Variants in MYCBP2 observed in about 807,000 individuals in gnomAD.
MYCBP2 encodes MYC binding protein 2.
A neutral mutation model predicts 525.3 loss-of-function variants in MYCBP2; 120 were observed. That is an observed-to-expected ratio of 0.23 (90% CI 0.20 to 0.27). The LOEUF (loss-of-function observed/expected upper bound fraction) is 0.27. Among genes scored for constraint, MYCBP2 ranks in the 10% least tolerant of loss-of-function variants. The pLI, the probability that MYCBP2 is intolerant of heterozygous loss-of-function variation, is 1.00. For missense variants in MYCBP2, 4,149 were observed against 5,657.1 expected, an observed-to-expected ratio of 0.73 and a Z score of 8.55; for synonymous variants, 1,894 against 1,955.8, an observed-to-expected ratio of 0.97 and a Z score of 0.83.
At chr13:77,206,363 TATC>T (rs1025232402) in intron 24 of MYCBP2, among the ~76,000 whole-genome samples, 1 of 150,816 alleles carries the variant, frequency 6.6e-6, no homozygotes, top group African/African-American at 2.4e-5. Flanking sequence ...TTGAAAATTT[TATC>T]ATATCTTTAA....
At chr13:77,166,186 T>A (rs2058498472) in intron 41 of MYCBP2, 143 bp downstream of exon 41, 1 of 629,364 alleles carries the variant, frequency 1.6e-6, no homozygotes, top group Non-Finnish European at 2.7e-6. Flanking sequence ...CCTTATTTAT[T>A]CCTCGAATGC....
intron 82 of MYCBP2, 85 bp from the exon 83 acceptor site, chr13:77,045,578 G>C: frequency 1.3e-6 from 1 of 796,332 alleles, no homozygotes; most frequent in South Asian, 1.8e-5. Context: ...ATCACTGATA[G>C]GTTATTCAAA....
intron 55 of MYCBP2, among the ~76,000 whole-genome samples, chr13:77,116,580 A>T (rs1401806755): frequency 6.6e-6 from 1 of 152,092 alleles, no homozygotes; most frequent in African/African-American, 2.4e-5. Flanking sequence ...GCGAATAAGA[A>T]GTTTAAAACA....
At chr13:77,155,402 G>A (rs1180793446) in intron 46 of MYCBP2, among the ~76,000 whole-genome samples, 1 of 152,048 alleles carries the variant, frequency 6.6e-6, no homozygotes, top group Admixed American at 6.5e-5. Context: ...GGAGGAAAGG[G>A]CTGGGGACTG....
intron 30 of MYCBP2, 77 bp from the exon 31 acceptor site, chr13:77,186,140 G>T (rs2060691866): frequency 9.5e-7 from 1 of 1,056,576 alleles, no homozygotes; most frequent in South Asian, 2.6e-5. Context: ...AAAGGCAATG[G>T]TAGACAACTT....
In MYCBP2 at chr13:77,270,447, T is replaced by G; in HGVS notation, c.1037A>C (p.Lys346Thr). The G allele has an allele frequency of 6.2e-7, 1 of 1,613,818 alleles. No individual in the cohort carries two copies. The highest frequency in any genetic ancestry group is 8.5e-7 in the Non-Finnish European group (1 of 1,179,832). ...CCACTTGTGCATTAAAGCTGCTTTC[T>G]TAATGCCATTACTAAACCAGTCCTG... ...QIQDWFSNGI[K>T]KAALMHKWPL... Residue 346 changes from lysine (K) to threonine (T), a missense_variant, in exon 6 of 83, where the codon AAG becomes ACG. Around this residue, in one of 21 missense-constraint regions of MYCBP2, gnomAD observed 413 missense variants for 451.2 expected, o/e 0.92. Coordinates refer to ENST00000544440, the MANE Select transcript of MYCBP2 (RefSeq NM_015057.5).
At chr13:77,089,882 G>C (rs1001338017) in intron 60 of MYCBP2, among the ~76,000 whole-genome samples, 1 of 151,888 alleles carries the variant, frequency 6.6e-6, no homozygotes, top group Non-Finnish European at 1.5e-5. Flanking sequence ...ATTTATTCTC[G>C]AACAATCACT....
intron 52 of MYCBP2, 137 bp from the exon 53 acceptor site, chr13:77,126,679 G>A (rs774241138): frequency 7.4e-5 from 45 of 607,070 alleles, no homozygotes; most frequent in Middle Eastern, 4.5e-4. Flanking sequence ...GATAACTGAA[G>A]AATTAGTCAT....
chr13:77,114,827 T>A (rs2049439385), intron 55 of MYCBP2, among the ~76,000 whole-genome samples: 1 of 152,042 alleles, frequency 6.6e-6, no homozygotes, highest in Non-Finnish European at 1.5e-5. Context: ...TTCAGTTTTA[T>A]TTGCCATTTT....
Position 77,058,395 on chromosome 13 carries a change from C to T in MYCBP2, c.13152G>A (p.Lys4384=), listed in dbSNP as rs1282606617. 1.6e-5 allele frequency: 25 copies of T among 1,607,164 alleles called. No homozygotes were observed. Among genetic ancestry groups the T allele is most frequent in the Non-Finnish European group, 2.0e-5 (24 of 1,176,040 alleles). ...AAGGATGCGTCTTACTACAGGCTAT[C>T]TTAGCGTATTCCTGTTAAAGATGAA... is the stretch of plus-strand genomic sequence containing the variant. ...CSDADCQEYA[K]IACSKTHPCG... is the part of the protein sequence containing the mutation. The change falls in exon 78 of 83, where the codon AAG becomes AAA. Residue 4384 remains lysine (K), a synonymous_variant. Coordinates refer to ENST00000544440, the MANE Select transcript of MYCBP2 (RefSeq NM_015057.5). This position sits in a 1 kb window ranked among gnomAD's most constrained non-coding sequence, Gnocchi z 4.1.
chr13:77,229,034 T>A (rs1451994612), intron 18 of MYCBP2, among the ~76,000 whole-genome samples: 3 of 152,154 alleles, frequency 2.0e-5, no homozygotes, highest in African/African-American at 7.2e-5. Context: ...ACTAAGCACT[T>A]GCTGTGTGCT....
chr13:77,286,792 A>AAC (rs2076868698), intron 3 of MYCBP2, among the ~76,000 whole-genome samples: 1 of 93,888 alleles, frequency 1.1e-5, no homozygotes, highest in Non-Finnish European at 2.0e-5. Flanking sequence ...AAAAAAAAAT[A>AAC]TATATATATA....
intron 18 of MYCBP2, among the ~76,000 whole-genome samples, chr13:77,231,633 C>G (rs1384618907): frequency 2.0e-5 from 3 of 152,136 alleles, no homozygotes; most frequent in Non-Finnish European, 2.9e-5. Context: ...TTTAACGTTT[C>G]ATTTAAAAAT....
In MYCBP2 at chr13:77,098,875, C is replaced by T. The variant is rs2046631950; in HGVS notation, c.8279G>A (p.Gly2760Asp). ...RTTADQKKPR[G>D]TESLSASESL... ...TTCACTAGCAGATAAACTTTCTGTG[C>T]CCCTTGGCTTCTTCTGATCAGCAGT... is the stretch of plus-strand genomic sequence containing the variant. Residue 2760 changes from glycine (G) to aspartate (D), a missense_variant, in exon 56 of 83, where the codon GGC becomes GAC. Physicochemically the swap from Gly to Asp is moderately conservative, Grantham distance 94 (BLOSUM62 -1). Transcript: ENST00000544440. The T allele has an allele frequency of 6.2e-7, 1 of 1,613,700 alleles. No homozygotes were observed. The highest frequency in any genetic ancestry group is 8.5e-7 in the Non-Finnish European group (1 of 1,179,772).
At chr13:77,232,233 C>T (rs1425520321) in intron 18 of MYCBP2, among the ~76,000 whole-genome samples, 1 of 151,918 alleles carries the variant, frequency 6.6e-6, no homozygotes, top group African/African-American at 2.4e-5. Flanking sequence ...AGAAAAGGAT[C>T]CAAACATTAA....
intron 7 of MYCBP2, among the ~76,000 whole-genome samples, chr13:77,269,255 G>C (rs1000188143): frequency 6.6e-6 from 1 of 152,162 alleles, no homozygotes; most frequent in East Asian, 1.9e-4. Flanking sequence ...CTGTTTCCTA[G>C]AAAGTACTGA....
At chr13:77,054,896 C>CG (rs1555289730) in intron 80 of MYCBP2, among the ~76,000 whole-genome samples, 4 of 151,934 alleles carry the variant, frequency 2.6e-5, no homozygotes. Flanking sequence ...CCACTGTGCC[C>CG]GGCCAAGATT....
chr13:77,192,488 G>A (rs2061379474), intron 27 of MYCBP2, among the ~76,000 whole-genome samples: 1 of 152,162 alleles, frequency 6.6e-6, no homozygotes, highest in Non-Finnish European at 1.5e-5. Flanking sequence ...CAAAGTACTA[G>A]GTAACAGAGT....
chr13:77,111,081 T>A (rs1328356842), intron 55 of MYCBP2, among the ~76,000 whole-genome samples: 2 of 152,170 alleles, frequency 1.3e-5, no homozygotes, highest in South Asian at 4.1e-4. Flanking sequence ...TACAGAAGTT[T>A]GAGAGAATAA....
Sources: gnomAD v4.1 joint callset for allele counts (sites outside exome capture counted in the v4.1 genomes callset) on GRCh38, gnomAD v4.1.1 for gene constraint, gnomAD v4.1.1 regional missense constraint, Gnocchi (gnomAD v3.1) non-coding constraint, MANE v1.5 for transcripts, NCBI Gene and HGNC (gene_info 2026-07-23, HGNC 2026-07-21) for gene names.